AP3M1: variants seen among roughly 807,000 people sequenced by gnomAD.
AP3M1 encodes the protein AP-3 complex subunit mu-1.
A neutral mutation model predicts 42.6 loss-of-function variants in AP3M1; 29 were observed. That is an observed-to-expected ratio of 0.68 (90% CI 0.51 to 0.93). The LOEUF (loss-of-function observed/expected upper bound fraction) is 0.93, where lower values mean the gene tolerates loss of function less well. Among genes scored for constraint, AP3M1 ranks in the 40% least tolerant of loss-of-function variants. The pLI is 0.00. For missense variants in AP3M1, 416 were observed against 510.2 expected (o/e 0.82, Z 1.78); for synonymous variants, 178 against 175.3 (o/e 1.02, Z -0.12).
chr10:74,147,531 CTAAT>C (rs1382469666), intron 1 of AP3M1, among the ~76,000 whole-genome samples: 1 of 152,112 alleles, frequency 6.6e-6, no homozygotes, highest in African/African-American at 2.4e-5. Context: ...TTAAATGAAG[CTAAT>C]TAATATCACC....
intron 4 of AP3M1, among the ~76,000 whole-genome samples, chr10:74,133,133 G>A (rs1312246956): frequency 1.3e-5 from 2 of 152,150 alleles, no homozygotes; most frequent in South Asian, 2.1e-4. Flanking sequence ...GGTGGCTCAC[G>A]CCTGTAATCC....
At position 74,141,936 on chromosome 10, in the gene AP3M1, T is replaced by C. The variant is rs375730444; in HGVS notation, c.-3-3554A>G. On this transcript the variant is annotated intron_variant, in intron 1 of 8. Coordinates refer to ENST00000355264, the MANE Select transcript of AP3M1 (RefSeq NM_012095.6). The stretch of plus-strand genomic sequence containing the variant: ...CGAGGTTTCACTATGTTGGCCAGGC[T>C]GGTCTTGAACTCCTGACCTCGTGAT... 2.5e-4 allele frequency among the ~76,000 whole-genome samples: 38 copies of C among 151,474 alleles called. 1 individual carries two copies. Among genetic ancestry groups the C allele is most frequent in the Middle Eastern group, 6.8e-3 (2 of 294 alleles).
At position 74,122,877 on chromosome 10, in the gene AP3M1, C is replaced by T. The variant is rs1840508391; in HGVS notation, c.*933G>A. 6.6e-6 allele frequency: 1 copy of T among 152,184 alleles called. No homozygotes were observed. The highest frequency in any genetic ancestry group is 2.4e-5 in the African/African-American group (1 of 41,424). The allele number at this position is 152,184 out of a possible 1,614,324, so 9.4% of individuals were successfully genotyped here. A position where few individuals can be genotyped will look rare whatever the true frequency, so the allele number is the denominator to read the frequency against. ...CCTTTTGCTGAACTGGGGCATGAGG[C>T]ATTTAGGTTAACCATGGCTTAACTG... On this transcript the variant is annotated 3_prime_UTR_variant, in exon 9 of 9. Transcript: ENST00000355264.
chr10:74,132,433 G>A (rs972470006), intron 4 of AP3M1, among the ~76,000 whole-genome samples: 2 of 152,082 alleles, frequency 1.3e-5, no homozygotes, highest in Non-Finnish European at 2.9e-5. Context: ...GCTGATGCCT[G>A]TAATCCCAGC....
At chr10:74,128,100 TAAAAAAAAAAAA>T (rs754897677) in intron 6 of AP3M1, among the ~76,000 whole-genome samples, 6 of 68,444 alleles carry the variant, frequency 8.8e-5, no homozygotes, top group Admixed American at 3.5e-4. Flanking sequence ...AACTCCGGCT[TAAAAAAAAAAAA>T]AAAAAAAAAA....
chr10:74,126,057 A>C, intron 7 of AP3M1, 91 bp downstream of exon 7: 1 of 1,369,268 alleles, frequency 7.3e-7, no homozygotes, highest in Non-Finnish European at 1.0e-6. Flanking sequence ...AGTTTTAAAC[A>C]AGGTGCCAAA....
At chr10:74,148,353 T>A (rs1327784325) in intron 1 of AP3M1, among the ~76,000 whole-genome samples, 1 of 152,088 alleles carries the variant, frequency 6.6e-6, no homozygotes, top group Non-Finnish European at 1.5e-5. Context: ...ACTCTTCAGA[T>A]TGAAGGGAAG....
chr10:74,142,731 T>C lies in AP3M1; in HGVS notation c.-3-4349A>G, dbSNP rs547064096. Among the ~76,000 whole-genome samples, 3 of 152,334 alleles carry C rather than the reference T, an allele frequency of 2.0e-5. No homozygotes were observed. The East Asian group carries it at 5.8e-4, about 29-fold the overall frequency. The stretch of plus-strand genomic sequence containing the variant: ...CTTAGTAGGCTTGCTTTGTGTCTTA[T>C]ATTTCTGTCTGGGTATTAATATAAG... On this transcript the variant is annotated intron_variant, in intron 1 of 8. Coordinates refer to ENST00000355264, the MANE Select transcript of AP3M1 (RefSeq NM_012095.6).
chr10:74,126,970 C>CAAAAAAAAAAAAA (rs58110411), intron 6 of AP3M1, among the ~76,000 whole-genome samples: 2 of 32,356 alleles, frequency 6.2e-5, no homozygotes, highest in Non-Finnish European at 1.0e-4. Context: ...GACGCCATCT[C>CAAAAAAAAAAAAA]AAAAAAAAAA....
intron 1 of AP3M1, among the ~76,000 whole-genome samples, chr10:74,143,761 A>G (rs1406069405): frequency 3.9e-5 from 6 of 152,176 alleles, no homozygotes; most frequent in Non-Finnish European, 4.4e-5. Context: ...ATCCAGCTGA[A>G]TTCTGAGCTC....
At position 74,136,612 on chromosome 10, in the gene AP3M1, A is replaced by T; in HGVS notation, c.445+20T>A. The T allele has an allele frequency of 6.6e-7, 1 of 1,508,086 alleles. No homozygotes were observed. Among genetic ancestry groups the T allele is most frequent in the South Asian group, 1.3e-5 (1 of 76,608 alleles). The allele number at this position is 1,508,086 out of a possible 1,614,324, so 93.4% of individuals were successfully genotyped here. On this transcript the variant is annotated intron_variant, in intron 3 of 8. Coordinates refer to ENST00000355264, the MANE Select transcript of AP3M1 (RefSeq NM_012095.6). ...AAGTTTTAATTGCTCAGTTACTAGCACAGTATGTTTTCATCTTACCTGTAA... is the reference window on the plus strand; with the variant it reads ...AAGTTTTAATTGCTCAGTTACTAGCTCAGTATGTTTTCATCTTACCTGTAA...
chr10:74,133,236 A>G (rs982301256), intron 4 of AP3M1, among the ~76,000 whole-genome samples: 2 of 152,106 alleles, frequency 1.3e-5, no homozygotes, highest in African/African-American at 4.8e-5. Flanking sequence ...CTCCACCAAA[A>G]ACACAAAATT....
At chr10:74,126,483 C>T in intron 6 of AP3M1, 128 bp from the exon 7 acceptor site, 1 of 665,038 alleles carries the variant, frequency 1.5e-6, no homozygotes, top group South Asian at 1.9e-5. Context: ...CAATAAGGTA[C>T]TACAGAGTTG....
rs1445259202 is a variant in AP3M1, at chr10:74,122,218, G to A, written c.*1592C>T. Reference sequence around the variant, plus strand: ...GCCTTTCTTATTCCATGAAAGGCAGGGCAGGCAAAGGTAAGAAAACTGCTG... The same window carrying A: ...GCCTTTCTTATTCCATGAAAGGCAGAGCAGGCAAAGGTAAGAAAACTGCTG... On this transcript the variant is annotated 3_prime_UTR_variant, in exon 9 of 9. Transcript: ENST00000355264. 3 of 152,120 alleles carry A rather than the reference G, an allele frequency of 2.0e-5. No individual in the cohort carries two copies. The highest frequency in any genetic ancestry group is 6.5e-5 in the Admixed American group (1 of 15,280). 9.4% of individuals were successfully genotyped at this position (152,120 alleles called of 1,614,324 possible).
At chr10:74,136,527 T>C in intron 3 of AP3M1, 105 bp downstream of exon 3, 1 of 892,506 alleles carries the variant, frequency 1.1e-6, no homozygotes, top group South Asian at 4.2e-5. Flanking sequence ...ACTTTAATTA[T>C]GGCCAAATTG....
intron 6 of AP3M1, 68 bp downstream of exon 6, chr10:74,129,040 A>C: frequency 6.3e-7 from 1 of 1,578,538 alleles, no homozygotes; most frequent in African/African-American, 1.3e-5. Flanking sequence ...ACTTTCAGAA[A>C]GAAACAGGGA....
Position 74,126,158 on chromosome 10 carries a change from G to A in AP3M1, c.1001C>T (p.Pro334Leu). 6.2e-7 allele frequency: 1 copy of A among 1,614,160 alleles called. No homozygotes were observed. The highest frequency in any genetic ancestry group is 8.5e-7 in the Non-Finnish European group (1 of 1,180,008). The change falls in exon 7 of 9, where the codon CCA (proline) becomes CTA (leucine). Residue 334 changes from proline (P) to leucine (L), a missense_variant. Physicochemically the swap from Pro to Leu is moderately conservative, Grantham distance 98. Coordinates refer to ENST00000355264, the MANE Select transcript of AP3M1 (RefSeq NM_012095.6). ...TTGAAGTGGCTGTACCTTGGTGACT[G>A]GATCAAATGTATAGCTGCCTTGTGT... The part of the protein sequence containing the change: ...TPTQGSYTFD[P>L]VTKVLTWDVG...
Position 74,130,746 on chromosome 10 carries a change from A to T in AP3M1, c.584-754T>A, listed in dbSNP as rs543394598. The stretch of plus-strand genomic sequence containing the variant: ...GTGTGAGCTACCATACCCAGCCAGA[A>T]TATGCTAATTCTAAGGAAAATTAAA... On this transcript the variant is annotated intron_variant, in intron 4 of 8. Coordinates refer to ENST00000355264, the MANE Select transcript of AP3M1 (RefSeq NM_012095.6). 2.6e-5 allele frequency among the ~76,000 whole-genome samples: 4 copies of T among 152,278 alleles called. No individual in the cohort carries two copies. In the East Asian group the frequency reaches 7.7e-4, roughly 29 times the overall value.
chr10:74,141,960 A>G (rs1841167891), intron 1 of AP3M1, among the ~76,000 whole-genome samples: 1 of 150,652 alleles, frequency 6.6e-6, no homozygotes, highest in African/African-American at 2.4e-5. Flanking sequence ...TGACCTCGTG[A>G]TCCGCCTGCC....
Sources: gnomAD v4.1 joint callset for allele counts (sites outside exome capture counted in the v4.1 genomes callset) on GRCh38, gnomAD v4.1.1 for gene constraint, MANE v1.5 for transcripts, NCBI Gene and HGNC (gene_info 2026-07-23, HGNC 2026-07-21) for gene names.